Variants in L3MBTL4 observed in about 807,000 individuals in gnomAD.
The protein encoded by L3MBTL4 is L3MBTL histone methyl-lysine binding protein 4.
A neutral mutation model predicts 84.5 loss-of-function variants in L3MBTL4; 70 were observed. The observed-to-expected ratio is 0.83, with a 90% CI of 0.68 to 1.01. The LOEUF (loss-of-function observed/expected upper bound fraction) is 1.01, where lower values mean the gene tolerates loss of function less well. Among genes scored for constraint, L3MBTL4 ranks in the 50% least tolerant of loss-of-function variants. The pLI, the probability that L3MBTL4 is intolerant of heterozygous loss-of-function variation, is 0.00. For synonymous variants in L3MBTL4, 274 were observed against 259.8 expected (o/e 1.05, Z -0.52); for missense variants, 715 against 754.8 (o/e 0.95, Z 0.62).
intron 1 of L3MBTL4, among the ~76,000 whole-genome samples, chr18:6,371,323 G>C (rs1280776761): frequency 2.0e-5 from 3 of 152,222 alleles, no homozygotes; most frequent in African/African-American, 7.2e-5. Context: ...AGAACACACA[G>C]AGCGGAGTTC....
At chr18:6,401,885 A>G (rs1008763288) in intron 1 of L3MBTL4, among the ~76,000 whole-genome samples, 3 of 152,220 alleles carry the variant, frequency 2.0e-5, no homozygotes, top group African/African-American at 7.2e-5. Flanking sequence ...AACCAGAACC[A>G]GGGGCGCAGC....
At chr18:6,273,602 G>C (rs1438161393) in intron 4 of L3MBTL4, among the ~76,000 whole-genome samples, 2 of 152,238 alleles carry the variant, frequency 1.3e-5, no homozygotes, top group Non-Finnish European at 2.9e-5. Flanking sequence ...AGTGGGAGCA[G>C]GCGGTTACAT....
chr18:6,066,914 T>TA (rs2057418966), intron 16 of L3MBTL4, among the ~76,000 whole-genome samples: 1 of 149,904 alleles, frequency 6.7e-6, no homozygotes, highest in Non-Finnish European at 1.5e-5. Flanking sequence ...GTTGCCTAGA[T>TA]ACTTTGTTTT....
chr18:5,981,374 T>C (rs1159724074), intron 16 of L3MBTL4, among the ~76,000 whole-genome samples: 1 of 152,216 alleles, frequency 6.6e-6, no homozygotes, highest in Non-Finnish European at 1.5e-5. Flanking sequence ...TTCTTGGTAT[T>C]CCATAGACTT....
At chr18:6,405,162 A>G (rs2055673750) in intron 1 of L3MBTL4, among the ~76,000 whole-genome samples, 1 of 152,264 alleles carries the variant, frequency 6.6e-6, no homozygotes, top group African/African-American at 2.4e-5. Context: ...AGGCAAGGAC[A>G]GAAATTTTTC....
At chr18:6,024,526 A>G (rs2145537715) in intron 16 of L3MBTL4, among the ~76,000 whole-genome samples, 1 of 152,356 alleles carries the variant, frequency 6.6e-6, no homozygotes, top group South Asian at 2.1e-4. Context: ...TTGCTAAATT[A>G]TAGTCACTAA....
intron 15 of L3MBTL4, among the ~76,000 whole-genome samples, chr18:6,086,414 A>G (rs1426511918): frequency 6.6e-6 from 1 of 152,200 alleles, no homozygotes; most frequent in Non-Finnish European, 1.5e-5. Context: ...TCAGCTCGGA[A>G]AAATATTTTG....
intron 1 of L3MBTL4, among the ~76,000 whole-genome samples, chr18:6,320,295 A>G (rs1364503249): frequency 6.6e-6 from 1 of 152,132 alleles, no homozygotes; most frequent in East Asian, 1.9e-4. Flanking sequence ...AGCCATAGCA[A>G]TCAGTCAAGA....
At chr18:6,178,521 T>C (rs1280415826) in intron 12 of L3MBTL4, among the ~76,000 whole-genome samples, 1 of 152,186 alleles carries the variant, frequency 6.6e-6, no homozygotes, top group Non-Finnish European at 1.5e-5. Flanking sequence ...AACCAAATCA[T>C]CTCAACATTA....
intron 11 of L3MBTL4, among the ~76,000 whole-genome samples, 153 bp downstream of exon 11, chr18:6,215,597 T>C (rs1023021392): frequency 6.6e-6 from 1 of 152,258 alleles, no homozygotes; most frequent in African/African-American, 2.4e-5. Flanking sequence ...TCACCTACTT[T>C]GTATTTTTAA....
At chr18:6,363,330 G>C (rs2053792322) in intron 1 of L3MBTL4, among the ~76,000 whole-genome samples, 1 of 152,058 alleles carries the variant, frequency 6.6e-6, no homozygotes, top group Non-Finnish European at 1.5e-5. Flanking sequence ...CCGACTCCCA[G>C]GCCCCCCGGG....
chr18:5,961,948 G>T (rs1453220364), intron 17 of L3MBTL4, among the ~76,000 whole-genome samples: 1 of 152,192 alleles, frequency 6.6e-6, no homozygotes, highest in Non-Finnish European at 1.5e-5. Flanking sequence ...CCAGGACACT[G>T]AGGGTGGCCT....
intron 4 of L3MBTL4, 36 bp downstream of exon 4, chr18:6,301,867 C>A: frequency 1.3e-6 from 2 of 1,524,372 alleles, no homozygotes; most frequent in Non-Finnish European, 1.8e-6. Context: ...AATTTGTTCA[C>A]TGTGAACTAC....
At chr18:6,067,395 C>G (rs8084616) in intron 16 of L3MBTL4, among the ~76,000 whole-genome samples, 1,640 of 152,294 alleles carry the variant, frequency 0.011, 35 homozygotes, top group African/African-American at 0.036. Flanking sequence ...AATAAGTTGT[C>G]TAAACATTTA....
At chr18:6,137,043 T>G (rs974247901) in intron 14 of L3MBTL4, among the ~76,000 whole-genome samples, 3 of 152,192 alleles carry the variant, frequency 2.0e-5, no homozygotes, top group Non-Finnish European at 4.4e-5. Context: ...CATTTCACTC[T>G]TGCTCAAAAA....
In L3MBTL4 at chr18:6,225,246, G is replaced by A. The variant is rs190777462; in HGVS notation, c.785-9411C>T. On this transcript the variant is annotated intron_variant, in intron 10 of 18. Transcript: ENST00000317931. ...GTATTTTGCCTGTAGCAGAGCATACGAGGAAGCAGTGATTCTATACAAGTG... is the reference window on the plus strand; with the variant it reads ...GTATTTTGCCTGTAGCAGAGCATACAAGGAAGCAGTGATTCTATACAAGTG... 4.6e-5 allele frequency among the ~76,000 whole-genome samples: 7 copies of A among 152,356 alleles called. 1 individual carries two copies. In the East Asian group the frequency reaches 1.2e-3, roughly 25 times the overall value.
intron 16 of L3MBTL4, among the ~76,000 whole-genome samples, chr18:5,995,114 G>A (rs1442259164): frequency 3.3e-5 from 5 of 152,258 alleles, no homozygotes; most frequent in Non-Finnish European, 7.3e-5. Context: ...AGAGAAACAT[G>A]TGCGTCCAGG....
chr18:6,240,138 T>C (rs1200543381), intron 8 of L3MBTL4, among the ~76,000 whole-genome samples: 1 of 152,222 alleles, frequency 6.6e-6, no homozygotes, highest in African/African-American at 2.4e-5. Context: ...ATCATCTTCA[T>C]ATTTCCCTCT....
intron 16 of L3MBTL4, among the ~76,000 whole-genome samples, chr18:6,046,941 T>C (rs896576874): frequency 2.6e-5 from 4 of 152,000 alleles, no homozygotes; most frequent in African/African-American, 7.2e-5. Flanking sequence ...CAAACATACA[T>C]ACAAAGAATC....
Sources: allele counts gnomAD v4.1 joint callset (sites outside exome capture counted in the v4.1 genomes callset), GRCh38; gene constraint gnomAD v4.1.1; transcripts MANE v1.5; gene names NCBI Gene and HGNC (gene_info 2026-07-23, HGNC 2026-07-21).